Variants in STAT3 observed in about 807,000 individuals in gnomAD.
STAT3 encodes DNA-binding protein APRF.
STAT3 carries 7 observed loss-of-function variants against 114.3 expected under a neutral mutation model. That is an observed-to-expected ratio of 0.06 (90% confidence interval 0.03 to 0.11). The LOEUF (loss-of-function observed/expected upper bound fraction) is 0.11, where lower values mean the gene tolerates loss of function less well. STAT3 is among the 10% of genes least tolerant of loss of function. STAT3 has a pLI of 1.00. For missense variants in STAT3, 364 were observed against 960.9 expected (o/e 0.38, Z 8.21); for synonymous variants, 331 against 354.5 (o/e 0.93, Z 0.74).
chr17:42,358,933 C>CTTTTTTTTTTTTTTTTT lies in STAT3; in HGVS notation c.-23-10411_-23-10395dup, dbSNP rs35099574. Among the ~76,000 whole-genome samples the CTTTTTTTTTTTTTTTTT allele has an allele frequency of 9.5e-4, 95 of 100,446 alleles. 5 individuals are homozygous for CTTTTTTTTTTTTTTTTT. The highest frequency in any genetic ancestry group is 2.3e-3 in the African/African-American group (59 of 25,510). The allele number at this position is 100,446 out of a possible 152,430, so 65.9% of individuals were successfully genotyped here. On this transcript the variant is annotated intron_variant, in intron 1 of 23. Coordinates refer to ENST00000264657, the MANE Select transcript of STAT3 (RefSeq NM_139276.3). Reference sequence around the variant, plus strand: ...GTCTCCCTTTCATGGACATTTCTTACTTTTTTTTTTTTTTTTTTTGAGATG... The same window carrying CTTTTTTTTTTTTTTTTT: ...GTCTCCCTTTCATGGACATTTCTTACTTTTTTTTTTTTTTTTTTTTTTTTTTTTTTTTTTTTGAGATG...
At chr17:42,319,047 C>T (rs1033589969) in intron 21 of STAT3, among the ~76,000 whole-genome samples, 1 of 152,076 alleles carries the variant, frequency 6.6e-6, no homozygotes, top group Non-Finnish European at 1.5e-5. Context: ...TCAAGACCAG[C>T]CTCACCAACA....
At chr17:42,374,518 G>A (rs2084344156) in intron 1 of STAT3, among the ~76,000 whole-genome samples, 1 of 150,196 alleles carries the variant, frequency 6.7e-6, no homozygotes, top group Admixed American at 6.7e-5. Flanking sequence ...CCTGAGGCAG[G>A]AGAATCGCTT....
chr17:42,380,571 G>A (rs1270687683), intron 1 of STAT3, among the ~76,000 whole-genome samples: 2 of 148,174 alleles, frequency 1.3e-5, no homozygotes, highest in Non-Finnish European at 3.0e-5. Context: ...TTTTAGTAGA[G>A]ACGGGGGGGG....
chr17:42,341,489 T>C (rs2082442348), intron 4 of STAT3, among the ~76,000 whole-genome samples: 1 of 152,238 alleles, frequency 6.6e-6, no homozygotes, highest in Admixed American at 6.5e-5. Flanking sequence ...TTCAACTTCC[T>C]TAGACAAAAT....
chr17:42,375,033 T>C (rs1567755905), intron 1 of STAT3, among the ~76,000 whole-genome samples: 2 of 152,234 alleles, frequency 1.3e-5, no homozygotes, highest in Admixed American at 1.3e-4. Context: ...GAATCGTCTG[T>C]AGGAATTAAC....
At chr17:42,332,730 T>C (rs1419691753) in intron 10 of STAT3, among the ~76,000 whole-genome samples, 2 of 151,866 alleles carry the variant, frequency 1.3e-5, no homozygotes, top group African/African-American at 4.8e-5. Flanking sequence ...GTCCAGCTAC[T>C]CAGGGAGGCT....
At chr17:42,352,909 T>G (rs893745716) in intron 1 of STAT3, among the ~76,000 whole-genome samples, 1 of 152,198 alleles carries the variant, frequency 6.6e-6, no homozygotes, top group Non-Finnish European at 1.5e-5. Context: ...CACTGGATTT[T>G]GAGGACTTAG....
chr17:42,376,113 T>G (rs12951971), intron 1 of STAT3, among the ~76,000 whole-genome samples: 12,041 of 150,030 alleles, frequency 0.08, 503 homozygotes, highest in Non-Finnish European at 0.09. Context: ...ATCATGCCAC[T>G]GCACTCCAGC....
chr17:42,345,633 C>T lies in STAT3; in HGVS notation c.298G>A (p.Glu100Lys). The T allele has an allele frequency of 6.2e-7, 1 of 1,606,578 alleles. No individual in the cohort carries two copies. Among genetic ancestry groups the T allele is most frequent in the Non-Finnish European group, 8.5e-7 (1 of 1,175,628 alleles). The change falls in exon 4 of 24, where the codon GAG becomes AAG. Residue 100 changes from glutamate (E) to lysine (K), a missense_variant. Glu to Lys is a moderately conservative substitution (Grantham distance 56, BLOSUM62 1). Around this residue, in one of 5 missense-constraint regions of STAT3, gnomAD observed 294 missense variants for 745.1 expected, o/e 0.39. Coordinates refer to ENST00000264657, the MANE Select transcript of STAT3 (RefSeq NM_139276.3). ...LQSRYLEKPM[E>K]IARIVARCLW... ...CACCGGGCCACAATCCGGGCAATCT[C>T]CATTGGCTTCTCAAGATACCTGCTC...
rs1179718568 is a variant in STAT3, at chr17:42,324,933, G to A, written c.1464+30C>T. ...TACCCCTAAGTCGCAAGAGATCCCG[G>A]GGCACCAACTAAAAGGAGGGGGCAC... On this transcript the variant is annotated intron_variant, in intron 16 of 23. Coordinates refer to ENST00000264657, the MANE Select transcript of STAT3 (RefSeq NM_139276.3). This position sits in a 1 kb window ranked among gnomAD's most constrained non-coding sequence, Gnocchi z 4.5. 3.7e-6 allele frequency: 6 copies of A among 1,614,142 alleles called. No homozygotes were observed. The highest frequency in any genetic ancestry group is 4.2e-6 in the Non-Finnish European group (5 of 1,180,006).
chr17:42,379,242 C>T (rs1178854270), intron 1 of STAT3, among the ~76,000 whole-genome samples: 2 of 152,174 alleles, frequency 1.3e-5, no homozygotes, highest in African/African-American at 4.8e-5. Flanking sequence ...TGGCTTCTTC[C>T]TGCCCCGCAT....
At chr17:42,382,288 A>G (rs1430490183) in intron 1 of STAT3, among the ~76,000 whole-genome samples, 2 of 152,226 alleles carry the variant, frequency 1.3e-5, no homozygotes, top group South Asian at 2.1e-4. Flanking sequence ...GCCAGGCACT[A>G]TGCTAAGCAT....
intron 8 of STAT3, among the ~76,000 whole-genome samples, chr17:42,336,860 T>G (rs1316967743): frequency 6.6e-6 from 1 of 151,980 alleles, no homozygotes; most frequent in Non-Finnish European, 1.5e-5. Context: ...GTCTATCTGT[T>G]AAATACAGTT....
intron 10 of STAT3, among the ~76,000 whole-genome samples, chr17:42,331,810 C>T (rs1598410761): frequency 6.6e-6 from 1 of 152,058 alleles, no homozygotes; most frequent in African/African-American, 2.4e-5. Context: ...TACCTGTAGT[C>T]GCAGTTACTC....
chr17:42,345,809 TCTG>T, intron 3 of STAT3, 152 bp from the exon 4 acceptor site: 1 of 776,788 alleles, frequency 1.3e-6, no homozygotes, highest in Non-Finnish European at 2.2e-6. Flanking sequence ...GTGAAGGCTC[TCTG>T]TCGGCGGGGG....
chr17:42,342,093 A>G (rs1005867023), intron 4 of STAT3, among the ~76,000 whole-genome samples: 2 of 152,116 alleles, frequency 1.3e-5, no homozygotes, highest in African/African-American at 2.4e-5. Flanking sequence ...GCCTGAGCAA[A>G]TGCCTGTGTG....
intron 21 of STAT3, among the ~76,000 whole-genome samples, chr17:42,320,000 AAGGGCGATGGTAATGG>A (rs2081405647): frequency 6.6e-6 from 1 of 152,182 alleles, no homozygotes; most frequent in Admixed American, 6.5e-5. Flanking sequence ...AGCCCACAGG[AAGGGCGATGGTAATGG>A]AGGATGCAGC....
chr17:42,326,752 A>G (rs2081744754), intron 14 of STAT3, among the ~76,000 whole-genome samples: 1 of 151,880 alleles, frequency 6.6e-6, no homozygotes, highest in Non-Finnish European at 1.5e-5. Context: ...CCCAGGAGGC[A>G]GAGGATGCAG....
chr17:42,375,117 T>A (rs1448268428), intron 1 of STAT3, among the ~76,000 whole-genome samples: 1 of 152,210 alleles, frequency 6.6e-6, no homozygotes, highest in Non-Finnish European at 1.5e-5. Context: ...AAAATATCCT[T>A]AATATTCAGG....
Sources: gnomAD v4.1 joint callset for allele counts (sites outside exome capture counted in the v4.1 genomes callset) on GRCh38, gnomAD v4.1.1 for gene constraint, gnomAD v4.1.1 regional missense constraint, Gnocchi (gnomAD v3.1) non-coding constraint, MANE v1.5 for transcripts, NCBI Gene and HGNC (gene_info 2026-07-23, HGNC 2026-07-21) for gene names.